COL4A6: variants seen among roughly 807,000 people sequenced by gnomAD.
COL4A6 encodes collagen type IV alpha 6 chain.
COL4A6 carries 59 observed loss-of-function variants against 126.7 expected under a neutral mutation model. The ratio of observed to expected loss-of-function variants is 0.47; its 90% CI spans 0.38 to 0.58. COL4A6 has a LOEUF of 0.58. COL4A6 is among the 20% of genes least tolerant of loss of function. COL4A6 has a pLI of 0.00. For synonymous variants in COL4A6, 547 were observed against 496.6 expected, an observed-to-expected ratio of 1.10 and a Z score of -1.35; for missense variants, 1,285 against 1,337.3, an observed-to-expected ratio of 0.96 and a Z score of 0.61.
chrX:108,420,107 C>T (rs1406256476), intron 2 of COL4A6, among the ~76,000 whole-genome samples: 1 of 111,531 alleles, frequency 9.0e-6, no homozygotes, highest in East Asian at 2.8e-4. Context: ...GTCATTAGGG[C>T]TGCTCACTGA....
intron 17 of COL4A6, among the ~76,000 whole-genome samples, chrX:108,193,384 C>G (rs1326085227): frequency 9.0e-6 from 1 of 110,826 alleles, no homozygotes; most frequent in Non-Finnish European, 1.9e-5. Flanking sequence ...AAATTCAGGC[C>G]CAGGCAGACC....
intron 3 of COL4A6, among the ~76,000 whole-genome samples, chrX:108,287,911 T>C (rs993106113): frequency 8.5e-4 from 95 of 111,826 alleles, no homozygotes; most frequent in Non-Finnish European, 9.2e-4. Context: ...GGGGTCATCA[T>C]AGGGCTCACC....
chrX:108,252,557 G>A (rs1450370292), intron 3 of COL4A6, among the ~76,000 whole-genome samples: 2 of 111,514 alleles, frequency 1.8e-5, no homozygotes, highest in East Asian at 5.6e-4. Context: ...GGACCTGATA[G>A]TGTCACTGCT....
chrX:108,317,270 G>A (rs1294310375), intron 2 of COL4A6, among the ~76,000 whole-genome samples: 1 of 112,316 alleles, frequency 8.9e-6, no homozygotes, highest in Non-Finnish European at 1.9e-5. Context: ...GCAACTACAA[G>A]GATGCAATTG....
intron 3 of COL4A6, among the ~76,000 whole-genome samples, chrX:108,227,318 G>GT (rs1485107863): frequency 2.7e-5 from 3 of 111,994 alleles, no homozygotes; most frequent in Non-Finnish European, 5.6e-5. Context: ...AGTCTAAATA[G>GT]TGTTGAGGAA....
intron 2 of COL4A6, among the ~76,000 whole-genome samples, chrX:108,422,397 C>T (rs928658710): frequency 9.0e-6 from 1 of 111,425 alleles, no homozygotes; most frequent in East Asian, 2.8e-4. Context: ...AAAATTTGTA[C>T]TATACTTGAA....
At chrX:108,354,969 C>G (rs1265725944) in intron 2 of COL4A6, among the ~76,000 whole-genome samples, 1 of 111,311 alleles carries the variant, frequency 9.0e-6, no homozygotes, top group African/African-American at 3.3e-5. Context: ...CTTTCCACAC[C>G]TCGTTGATAT....
At chrX:108,177,080 C>T in intron 27 of COL4A6, 69 bp from the exon 28 acceptor site, 1 of 1,007,571 alleles carries the variant, frequency 9.9e-7, no homozygotes, top group East Asian at 3.1e-5. Context: ...GGGCCACTGC[C>T]TATATCATAG....
At chrX:108,335,339 G>T (rs1284890320) in intron 2 of COL4A6, among the ~76,000 whole-genome samples, 1 of 111,886 alleles carries the variant, frequency 8.9e-6, no homozygotes, top group Non-Finnish European at 1.9e-5. Context: ...TATATTCTTG[G>T]TTTACAGATG....
chrX:108,226,871 T>C (rs180876395), intron 3 of COL4A6, among the ~76,000 whole-genome samples: 2 of 111,658 alleles, frequency 1.8e-5, no homozygotes, highest in East Asian at 5.7e-4. Flanking sequence ...AGCCCCATGG[T>C]CTTAGTTCAA....
chrX:108,266,476 C>T (rs2037306177), intron 3 of COL4A6, among the ~76,000 whole-genome samples: 1 of 111,483 alleles, frequency 9.0e-6, no homozygotes, highest in Non-Finnish European at 1.9e-5. Context: ...ATTATCTTTC[C>T]TGAAATATAA....
At chrX:108,213,595 G>C (rs1402653698) in intron 6 of COL4A6, among the ~76,000 whole-genome samples, 1 of 112,002 alleles carries the variant, frequency 8.9e-6, no homozygotes, top group Non-Finnish European at 1.9e-5. Context: ...TGGGGAGGGG[G>C]CTGTCTTGTG....
At chrX:108,355,864 C>T (rs747930711) in intron 2 of COL4A6, among the ~76,000 whole-genome samples, 1 of 111,695 alleles carries the variant, frequency 9.0e-6, no homozygotes, top group Non-Finnish European at 1.9e-5. Context: ...AGATGCTTTA[C>T]GTAGTGAAGT....
intron 3 of COL4A6, among the ~76,000 whole-genome samples, 192 bp downstream of exon 3, chrX:108,310,556 T>G (rs1260777661): frequency 8.9e-6 from 1 of 112,426 alleles, no homozygotes; most frequent in East Asian, 2.8e-4. Context: ...AACCTCTTCT[T>G]GGTACCTCAG....
intron 3 of COL4A6, among the ~76,000 whole-genome samples, chrX:108,254,015 T>C (rs972086956): frequency 8.9e-6 from 1 of 111,776 alleles, no homozygotes; most frequent in Admixed American, 9.5e-5. Context: ...TTCTAAACTG[T>C]CAGACACAAC....
chrX:108,349,826 A>G (rs980810129), intron 2 of COL4A6, among the ~76,000 whole-genome samples: 3 of 111,816 alleles, frequency 2.7e-5, no homozygotes, highest in Non-Finnish European at 3.8e-5. Context: ...CAGATAATAG[A>G]AGGGATATGG....
intron 2 of COL4A6, among the ~76,000 whole-genome samples, chrX:108,397,062 C>G (rs2040980828): frequency 8.9e-6 from 1 of 112,028 alleles, no homozygotes; most frequent in African/African-American, 3.2e-5. Context: ...ATCGTATCTT[C>G]CACAAATTCA....
At chrX:108,300,101 C>G (rs1603043029) in intron 3 of COL4A6, among the ~76,000 whole-genome samples, 1 of 110,695 alleles carries the variant, frequency 9.0e-6, no homozygotes, top group East Asian at 2.8e-4. Flanking sequence ...AGAAAAGCAT[C>G]TAATAGTCCT....
chrX:108,290,379 G>T (rs2038127863), intron 3 of COL4A6, among the ~76,000 whole-genome samples: 1 of 111,880 alleles, frequency 8.9e-6, no homozygotes, highest in African/African-American at 3.2e-5. Context: ...ACCTCTCTGG[G>T]CCACAATTTT....
Sources: gnomAD v4.1 joint callset for allele counts (sites outside exome capture counted in the v4.1 genomes callset) on GRCh38, gnomAD v4.1.1 for gene constraint, MANE v1.5 for transcripts, NCBI Gene and HGNC (gene_info 2026-07-23, HGNC 2026-07-21) for gene names.